Variants in EXOC6B observed in about 807,000 individuals in gnomAD.
EXOC6B encodes the protein exocyst complex component 6B.
In EXOC6B, 54 loss-of-function variants were observed where a neutral mutation model predicts 113.5. The ratio of observed to expected loss-of-function variants is 0.48; its 90% CI spans 0.38 to 0.60. EXOC6B has a LOEUF of 0.60. Among genes scored for constraint, EXOC6B ranks in the 20% least tolerant of loss-of-function variants. The pLI is 0.00. For missense variants in EXOC6B, 797 were observed against 977.5 expected (o/e 0.82, Z 2.46); for synonymous variants, 357 against 339.0 (o/e 1.05, Z -0.58).
At chr2:72,365,785 A>T (rs1690587615) in intron 19 of EXOC6B, among the ~76,000 whole-genome samples, 1 of 152,166 alleles carries the variant, frequency 6.6e-6, no homozygotes, top group African/African-American at 2.4e-5. Context: ...TCTTACAGGG[A>T]TGACCATACT....
At chr2:72,211,521 G>A (rs1327904476) in intron 20 of EXOC6B, among the ~76,000 whole-genome samples, 7 of 152,096 alleles carry the variant, frequency 4.6e-5, no homozygotes, top group Admixed American at 3.9e-4. Context: ...CCAAGACAAC[G>A]TGAAGCCATA....
At chr2:72,631,461 TAGAGAGAGAGAGAGAGAGAGAGAG>T (rs372313608) in intron 6 of EXOC6B, among the ~76,000 whole-genome samples, 101 of 9,718 alleles carry the variant, frequency 0.01, 2 homozygotes, top group South Asian at 0.04. Flanking sequence ...TATATATATA[TAGAGAGAGAGAGAGAGAGAGAGAG>T]AGAGAGAGAG....
At chr2:72,250,809 G>A (rs944334999) in intron 20 of EXOC6B, among the ~76,000 whole-genome samples, 1 of 151,626 alleles carries the variant, frequency 6.6e-6, no homozygotes, top group Non-Finnish European at 1.5e-5. Context: ...AAGAAGCACA[G>A]GTCTTCATTA....
chr2:72,593,474 T>C (rs984355695), intron 6 of EXOC6B, among the ~76,000 whole-genome samples: 2 of 152,094 alleles, frequency 1.3e-5, no homozygotes, highest in Non-Finnish European at 1.5e-5. Flanking sequence ...GGACATTCAG[T>C]TGATGTTCAG....
At chr2:72,644,706 A>G (rs1050216371) in intron 6 of EXOC6B, among the ~76,000 whole-genome samples, 2 of 152,206 alleles carry the variant, frequency 1.3e-5, no homozygotes, top group African/African-American at 4.8e-5. Flanking sequence ...TAAGTGAAGG[A>G]GAAATAAAAT....
chr2:72,352,176 A>G (rs926145079), intron 19 of EXOC6B, among the ~76,000 whole-genome samples: 2 of 152,168 alleles, frequency 1.3e-5, no homozygotes, highest in African/African-American at 2.4e-5. Flanking sequence ...ATTCATAGCT[A>G]TTAGTGGTTA....
At chr2:72,600,954 A>T (rs533853833) in intron 6 of EXOC6B, among the ~76,000 whole-genome samples, 6 of 151,144 alleles carry the variant, frequency 4.0e-5, no homozygotes, top group East Asian at 1.9e-4. Context: ...AACCCTATTT[A>T]AAAAAAAAGG....
intron 6 of EXOC6B, among the ~76,000 whole-genome samples, chr2:72,655,439 GA>G (rs1326262915): frequency 1.3e-5 from 2 of 151,608 alleles, no homozygotes; most frequent in African/African-American, 2.4e-5. Flanking sequence ...ATTCTGAAGA[GA>G]AAAAAACATG....
chr2:72,367,913 C>A (rs1367124195), intron 19 of EXOC6B, among the ~76,000 whole-genome samples: 1 of 152,172 alleles, frequency 6.6e-6, no homozygotes, highest in African/African-American at 2.4e-5. Context: ...CAGCAAGCCT[C>A]ATTGCCACAG....
At chr2:72,203,235 C>T (rs1679602819) in intron 20 of EXOC6B, among the ~76,000 whole-genome samples, 1 of 152,160 alleles carries the variant, frequency 6.6e-6, no homozygotes, top group African/African-American at 2.4e-5. Flanking sequence ...TCTAAGAGAA[C>T]CTTAAGAAGT....
chr2:72,716,379 C>T (rs1045087132), intron 6 of EXOC6B, among the ~76,000 whole-genome samples: 3 of 152,154 alleles, frequency 2.0e-5, no homozygotes, highest in African/African-American at 7.2e-5. Flanking sequence ...TATTGAACAC[C>T]TACTACGTAC....
chr2:72,306,064 T>C (rs1686836351), intron 20 of EXOC6B, among the ~76,000 whole-genome samples: 1 of 152,066 alleles, frequency 6.6e-6, no homozygotes, highest in Non-Finnish European at 1.5e-5. Context: ...GCAGACTCAG[T>C]TGAAGAAAAG....
chr2:72,814,509 T>A (rs1343254075), intron 1 of EXOC6B, among the ~76,000 whole-genome samples: 1 of 152,228 alleles, frequency 6.6e-6, no homozygotes, highest in Non-Finnish European at 1.5e-5. Context: ...ATATGTATTA[T>A]CATAAATCAA....
chr2:72,613,519 A>T (rs1175171671), intron 6 of EXOC6B, among the ~76,000 whole-genome samples: 2 of 152,144 alleles, frequency 1.3e-5, no homozygotes, highest in Admixed American at 1.3e-4. Context: ...ATAGACTCTT[A>T]TAGTTATACA....
intron 1 of EXOC6B, among the ~76,000 whole-genome samples, chr2:72,807,372 T>G (rs944811806): frequency 6.6e-6 from 1 of 152,192 alleles, no homozygotes. Context: ...TCTGTTCCAT[T>G]TGTCTGTGTG....
chr2:72,501,226 G>A (rs908200837), intron 11 of EXOC6B, among the ~76,000 whole-genome samples: 6 of 152,298 alleles, frequency 3.9e-5, no homozygotes, highest in Admixed American at 6.5e-5. Flanking sequence ...GTAGCACCTA[G>A]TGGGAGGTGT....
At chr2:72,519,232 A>G (rs967598419) in intron 8 of EXOC6B, among the ~76,000 whole-genome samples, 1 of 152,148 alleles carries the variant, frequency 6.6e-6, no homozygotes. Flanking sequence ...TTCTTATTTT[A>G]GTTTTCATAT....
intron 20 of EXOC6B, among the ~76,000 whole-genome samples, chr2:72,266,803 G>T (rs1684126137): frequency 6.6e-6 from 1 of 151,724 alleles, no homozygotes; most frequent in Non-Finnish European, 1.5e-5. Context: ...AAAGTCATTG[G>T]TAGCTTGATG....
rs184940150 is a variant in EXOC6B, at chr2:72,291,040, A to C, written c.2196+43907T>G. ...TTTTAAGTTCCAGAGAGGGCTGATAATGAGATTACAATTACTGTAAATTCC... is the reference window on the plus strand; with the variant it reads ...TTTTAAGTTCCAGAGAGGGCTGATACTGAGATTACAATTACTGTAAATTCC... On this transcript the variant is annotated intron_variant, in intron 20 of 21. Coordinates refer to ENST00000272427, the MANE Select transcript of EXOC6B (RefSeq NM_015189.3). Among the ~76,000 whole-genome samples the C allele has an allele frequency of 1.1e-4, 17 of 152,312 alleles. No homozygotes were observed. In the East Asian group the frequency reaches 3.3e-3, roughly 29 times the overall value.
Sources: gnomAD v4.1 joint callset for allele counts (sites outside exome capture counted in the v4.1 genomes callset) on GRCh38, gnomAD v4.1.1 for gene constraint, MANE v1.5 for transcripts, NCBI Gene and HGNC (gene_info 2026-07-23, HGNC 2026-07-21) for gene names.